SULF1: variants seen among roughly 807,000 people sequenced by gnomAD.
SULF1 encodes extracellular sulfatase Sulf-1.
SULF1 carries 46 observed loss-of-function variants against 110.5 expected under a neutral mutation model. That is an observed-to-expected ratio of 0.42 (90% CI 0.33 to 0.53). SULF1 has a LOEUF of 0.53. Among genes scored for constraint, SULF1 ranks in the 20% least tolerant of loss-of-function variants. The pLI, the probability that SULF1 is intolerant of heterozygous loss-of-function variation, is 0.12. For missense variants in SULF1, 941 were observed against 1,094.2 expected, an observed-to-expected ratio of 0.86 and a Z score of 1.98; for synonymous variants, 371 against 387.1, an observed-to-expected ratio of 0.96 and a Z score of 0.49.
At chr8:69,528,098 T>A (rs930722176) in intron 3 of SULF1, among the ~76,000 whole-genome samples, 1 of 152,176 alleles carries the variant, frequency 6.6e-6, no homozygotes. Flanking sequence ...TCTAATCCTT[T>A]TCAGTCTCCT....
chr8:69,576,633 G>A (rs895069961), intron 6 of SULF1, among the ~76,000 whole-genome samples: 4 of 152,082 alleles, frequency 2.6e-5, no homozygotes, highest in Non-Finnish European at 5.9e-5. Context: ...TTGAAAATTG[G>A]GGACTTCTTT....
chr8:69,618,498 A>G (rs560184401), intron 13 of SULF1, among the ~76,000 whole-genome samples: 1 of 152,218 alleles, frequency 6.6e-6, no homozygotes, highest in Non-Finnish European at 1.5e-5. Context: ...ACTACATTTT[A>G]TATCAGAGAC....
intron 12 of SULF1, 29 bp from the exon 13 acceptor site, chr8:69,604,774 T>A: frequency 1.2e-6 from 2 of 1,612,552 alleles, no homozygotes; most frequent in Non-Finnish European, 1.7e-6. Flanking sequence ...TCACTTCTCA[T>A]GTACGAAGCT....
intron 1 of SULF1, among the ~76,000 whole-genome samples, chr8:69,486,590 C>G (rs765444279): frequency 4.6e-5 from 7 of 152,144 alleles, no homozygotes; most frequent in Non-Finnish European, 1.0e-4. Flanking sequence ...TGCTGTGAAG[C>G]TGGCGAGGAA....
intron 13 of SULF1, among the ~76,000 whole-genome samples, chr8:69,615,754 A>C (rs1285053140): frequency 6.6e-6 from 1 of 152,114 alleles, no homozygotes; most frequent in Non-Finnish European, 1.5e-5. Context: ...CTTCATCTCT[A>C]TCCCATAGGA....
chr8:69,630,958 T>C (rs905080169), intron 19 of SULF1, among the ~76,000 whole-genome samples: 1 of 151,342 alleles, frequency 6.6e-6, no homozygotes, highest in African/African-American at 2.4e-5. Context: ...CCTAATGCTA[T>C]CCCTCCCCCC....
chr8:69,505,900 T>A (rs1811154219), intron 3 of SULF1, among the ~76,000 whole-genome samples: 1 of 152,150 alleles, frequency 6.6e-6, no homozygotes, highest in Non-Finnish European at 1.5e-5. Flanking sequence ...AAGAGTTTTT[T>A]TTTTTTAAAT....
intron 22 of SULF1, among the ~76,000 whole-genome samples, chr8:69,650,082 A>AC (rs997737615): frequency 9.8e-5 from 13 of 132,078 alleles, no homozygotes; most frequent in African/African-American, 3.5e-4. Context: ...TGCAGGCTTG[A>AC]CCCCCCAGGC....
chr8:69,520,094 A>G (rs1812188966), intron 3 of SULF1, among the ~76,000 whole-genome samples: 1 of 148,696 alleles, frequency 6.7e-6, no homozygotes. Context: ...CTGTTTAAAG[A>G]GTCCCTAAAA....
At position 69,604,811 on chromosome 8, in the gene SULF1, T is replaced by C; in HGVS notation, c.1256T>C (p.Leu419Pro). Residue 419 changes from leucine (L) to proline (P), a missense_variant, in exon 13 of 23, where the codon CTA becomes CCA. By Grantham distance (98) the Leu-to-Pro change is moderately conservative (BLOSUM62 -3). Transcript: ENST00000402687. ...TTCCCTTTTTGTCGAAGCAAATTTCTACGTAAGAAGGAAGAATCCAGCAAG... is the reference window on the plus strand; with the variant it reads ...TTCCCTTTTTGTCGAAGCAAATTTCCACGTAAGAAGGAAGAATCCAGCAAG... ...DTFLVERGKF[L>P]RKKEESSKNI... 1 of 1,613,830 alleles carries C rather than the reference T, an allele frequency of 6.2e-7. No homozygotes were observed. The highest frequency in any genetic ancestry group is 1.1e-5 in the South Asian group (1 of 91,058).
In SULF1 at chr8:69,492,937, G is replaced by A. The variant is rs1252556204; in HGVS notation, c.-579G>A. ...AACCCCAGGCGCAGAGGCCAGGAGCGAGGGCAGCGAGGATCAGAGGCCAGG... is the reference window on the plus strand; with the variant it reads ...AACCCCAGGCGCAGAGGCCAGGAGCAAGGGCAGCGAGGATCAGAGGCCAGG... On this transcript the variant is annotated 5_prime_UTR_variant, in exon 1 of 23. Transcript: ENST00000402687. 6.5e-6 allele frequency: 1 copy of A among 152,814 alleles called. No homozygotes were observed. Among genetic ancestry groups the A allele is most frequent in the South Asian group, 2.1e-4 (1 of 4,822 alleles). 9.5% of individuals were successfully genotyped at this position (152,814 alleles called of 1,614,324 possible). A position where few individuals can be genotyped will look rare whatever the true frequency, so the allele number is the denominator to read the frequency against.
At chr8:69,582,810 C>A (rs181853261) in intron 6 of SULF1, among the ~76,000 whole-genome samples, 4 of 151,976 alleles carry the variant, frequency 2.6e-5, no homozygotes, top group Admixed American at 2.6e-4. Context: ...CGCTTTTGAA[C>A]GTTAGTGGGG....
intron 3 of SULF1, among the ~76,000 whole-genome samples, chr8:69,504,043 C>T (rs1810996122): frequency 6.6e-6 from 1 of 152,022 alleles, no homozygotes; most frequent in African/African-American, 2.4e-5. Context: ...CGTGATCTGC[C>T]AGCCTCAGCC....
chr8:69,567,942 C>T (rs183502412), intron 5 of SULF1, among the ~76,000 whole-genome samples: 3 of 152,314 alleles, frequency 2.0e-5, no homozygotes, highest in Admixed American at 6.5e-5. Context: ...CACCTTGTTA[C>T]GTTCCCTCCA....
At chr8:69,472,824 CT>C in intron 1 of SULF1, among the ~76,000 whole-genome samples, 1 of 152,142 alleles carries the variant, frequency 6.6e-6, no homozygotes, top group African/African-American at 2.4e-5. Flanking sequence ...GTGTATTAAA[CT>C]TTTTAAATTT....
At chr8:69,630,834 A>G (rs1810464277) in intron 19 of SULF1, among the ~76,000 whole-genome samples, 1 of 152,226 alleles carries the variant, frequency 6.6e-6, no homozygotes, top group South Asian at 2.1e-4. Flanking sequence ...TTTTATTATT[A>G]TACTTTAAGT....
At chr8:69,564,518 G>A (rs1292872230) in intron 5 of SULF1, among the ~76,000 whole-genome samples, 1 of 152,306 alleles carries the variant, frequency 6.6e-6, no homozygotes, top group East Asian at 1.9e-4. Flanking sequence ...CAATGGATAT[G>A]AATATAGACT....
At chr8:69,558,076 C>T (rs749499602) in intron 3 of SULF1, among the ~76,000 whole-genome samples, 7 of 152,236 alleles carry the variant, frequency 4.6e-5, no homozygotes, top group Middle Eastern at 3.4e-3. Context: ...TTAGCTTTTT[C>T]GTGGATTCAT....
chr8:69,633,080 G>C (rs1051210245), intron 19 of SULF1, among the ~76,000 whole-genome samples: 1 of 151,896 alleles, frequency 6.6e-6, no homozygotes, highest in Non-Finnish European at 1.5e-5. Flanking sequence ...TGTAAAGTTT[G>C]AGATAAACGT....
Sources: allele counts gnomAD v4.1 joint callset (sites outside exome capture counted in the v4.1 genomes callset), GRCh38; gene constraint gnomAD v4.1.1; transcripts MANE v1.5; gene names NCBI Gene and HGNC (gene_info 2026-07-23, HGNC 2026-07-21).